BCAS1: variants seen among roughly 807,000 people sequenced by gnomAD.
BCAS1 encodes the protein brain enriched myelin associated protein 1, also known as breast carcinoma-amplified sequence 1.
BCAS1 carries 46 observed loss-of-function variants against 65.4 expected under a neutral mutation model. The observed-to-expected ratio is 0.70, with a 90% CI of 0.55 to 0.90. The LOEUF (loss-of-function observed/expected upper bound fraction) is 0.90, where lower values mean the gene tolerates loss of function less well. Among genes scored for constraint, BCAS1 ranks in the 40% least tolerant of loss-of-function variants. BCAS1 has a pLI of 0.00. For missense variants in BCAS1, 793 were observed against 771.2 expected (o/e 1.03, Z -0.33); for synonymous variants, 298 against 293.5 (o/e 1.02, Z -0.16).
At chr20:53,953,394 G>C in intron 12 of BCAS1, 38 bp downstream of exon 12, 1 of 1,609,624 alleles carries the variant, frequency 6.2e-7, no homozygotes, top group Non-Finnish European at 8.5e-7. Context: ...TGGGGAAGGA[G>C]AGAGCCCAGA....
chr20:53,947,033 G>C (rs2089348586), intron 12 of BCAS1, among the ~76,000 whole-genome samples: 1 of 152,024 alleles, frequency 6.6e-6, no homozygotes, highest in Non-Finnish European at 1.5e-5. Flanking sequence ...GTATAATCTA[G>C]CATAGTATAG....
intron 12 of BCAS1, among the ~76,000 whole-genome samples, chr20:53,946,213 A>G (rs897397311): frequency 1.3e-5 from 2 of 152,072 alleles, no homozygotes; most frequent in Admixed American, 6.6e-5. Context: ...CCAAATCAAC[A>G]TGTCACATGG....
chr20:53,968,257 C>T (rs1000270898), intron 9 of BCAS1, among the ~76,000 whole-genome samples: 1 of 152,214 alleles, frequency 6.6e-6, no homozygotes, highest in African/African-American at 2.4e-5. Flanking sequence ...TATTTACTAT[C>T]TGGCCCTTTA....
intron 3 of BCAS1, among the ~76,000 whole-genome samples, chr20:54,034,588 A>T (rs1359794518): frequency 6.6e-6 from 1 of 151,318 alleles, no homozygotes; most frequent in Non-Finnish European, 1.5e-5. Flanking sequence ...GAGGTGAAAG[A>T]TCTCTACAAG....
intron 3 of BCAS1, among the ~76,000 whole-genome samples, chr20:54,051,759 A>G (rs1601004263): frequency 7.0e-6 from 1 of 142,416 alleles, no homozygotes; most frequent in Admixed American, 7.1e-5. Flanking sequence ...TGTTGTTGAG[A>G]TGAGGTCTCT....
rs190352018 is a variant in BCAS1 at position 53,967,607 on chromosome 20, C to T, written c.1318-534G>A. ...CTCATTAAGCGATATCTAATTTTTCCCTAGAACAGTCATTTGCCATTTCAC... is the reference window on the plus strand; with the variant it reads ...CTCATTAAGCGATATCTAATTTTTCTCTAGAACAGTCATTTGCCATTTCAC... On this transcript the variant is annotated intron_variant, in intron 9 of 12. Transcript: ENST00000688948. 8.3e-4 allele frequency among the ~76,000 whole-genome samples: 127 copies of T among 152,310 alleles called. 1 individual carries two copies. The highest frequency in any genetic ancestry group is 2.9e-3 in the African/African-American group (120 of 41,566).
At chr20:54,036,045 C>T (rs2091894360) in intron 3 of BCAS1, among the ~76,000 whole-genome samples, 1 of 150,770 alleles carries the variant, frequency 6.6e-6, no homozygotes, top group South Asian at 2.1e-4. Flanking sequence ...CACACTGGGG[C>T]CTATTGGAGG....
At chr20:53,947,689 T>G (rs1302180925) in intron 12 of BCAS1, among the ~76,000 whole-genome samples, 1 of 152,102 alleles carries the variant, frequency 6.6e-6, no homozygotes, top group African/African-American at 2.4e-5. Flanking sequence ...GGGTGCCGGC[T>G]TCTGTCCCCG....
intron 11 of BCAS1, among the ~76,000 whole-genome samples, chr20:53,956,852 T>C (rs2089716249): frequency 6.6e-6 from 1 of 152,174 alleles, no homozygotes; most frequent in Admixed American, 6.5e-5. Flanking sequence ...GGAACACATG[T>C]AGTTATAAAT....
At chr20:54,062,003 A>G (rs958910800) in intron 1 of BCAS1, among the ~76,000 whole-genome samples, 4 of 152,244 alleles carry the variant, frequency 2.6e-5, no homozygotes, top group Admixed American at 2.0e-4. Context: ...GTGACACATG[A>G]AAATTATATG....
intron 12 of BCAS1, among the ~76,000 whole-genome samples, chr20:53,950,511 C>T (rs1163222933): frequency 1.3e-5 from 2 of 151,990 alleles, no homozygotes; most frequent in Non-Finnish European, 2.9e-5. Context: ...ATCGCGGGAC[C>T]TTGTTTATTT....
intron 11 of BCAS1, among the ~76,000 whole-genome samples, chr20:53,955,522 A>G (rs963664052): frequency 6.6e-6 from 1 of 152,228 alleles, no homozygotes; most frequent in Non-Finnish European, 1.5e-5. Flanking sequence ...AGATTTTAAG[A>G]TGCAGTGAGT....
Position 53,985,374 on chromosome 20 carries a change from G to A in BCAS1, c.1188C>T (p.Ser396=), listed in dbSNP as rs751429839. The A allele has an allele frequency of 4.3e-6, 7 of 1,614,036 alleles. No homozygotes were observed. Among genetic ancestry groups the A allele is most frequent in the East Asian group, 2.2e-5 (1 of 44,878 alleles). Residue 396 remains serine (S), a synonymous_variant, in exon 8 of 13, where the codon TCC becomes TCT. Coordinates refer to ENST00000688948, the MANE Select transcript of BCAS1 (RefSeq NM_001366298.2). The part of the protein sequence containing the change: ...KGCNPSGHTQ[S]VTTPEPAKEG... ...CCTTCGCAGGTTCAGGGGTTGTCAC[G>A]GACTGTGTGTGCCCCGATGGGTTGC...
intron 4 of BCAS1, among the ~76,000 whole-genome samples, chr20:54,022,643 A>G (rs1259403715): frequency 6.6e-6 from 1 of 152,194 alleles, no homozygotes; most frequent in Non-Finnish European, 1.5e-5. Context: ...AGGTAACTTA[A>G]GTTCTCCCCA....
At chr20:53,960,495 A>G (rs955432225) in intron 10 of BCAS1, among the ~76,000 whole-genome samples, 1,010 of 81,920 alleles carry the variant, frequency 0.012, 9 homozygotes, top group Middle Eastern at 0.019. Flanking sequence ...AAAAAAAAAA[A>G]AGAGAGAGAG....
chr20:53,953,604 T>C lies in BCAS1; in HGVS notation c.1643A>G (p.Lys548Arg), dbSNP rs372161022. 30 of 1,613,816 alleles carry C rather than the reference T, an allele frequency of 1.9e-5. No homozygotes were observed. The highest frequency in any genetic ancestry group is 2.5e-5 in the Non-Finnish European group (30 of 1,180,008). ...CTTGTTCATCTCGGCTGCTGACTTC[T>C]TGTCCTTCGAGGAGCCCTCTTTACC... ...QKGKEGSSKD[K>R]KSAAEMNKQK... The change falls in exon 12 of 13, where the codon AAG becomes AGG. Residue 548 changes from lysine to arginine, a missense_variant. Transcript: ENST00000688948.
chr20:53,983,303 G>A (rs534676016), intron 8 of BCAS1, among the ~76,000 whole-genome samples: 1 of 152,254 alleles, frequency 6.6e-6, no homozygotes, highest in South Asian at 2.1e-4. Flanking sequence ...CTGTTCAGTG[G>A]GCACTTTTGT....
intron 8 of BCAS1, among the ~76,000 whole-genome samples, chr20:53,977,270 G>A (rs2090359209): frequency 2.0e-5 from 3 of 152,074 alleles, no homozygotes; most frequent in Admixed American, 2.0e-4. Flanking sequence ...GATTTGGGTG[G>A]GGACACAGCC....
At chr20:53,983,882 T>C (rs923578620) in intron 8 of BCAS1, among the ~76,000 whole-genome samples, 2 of 152,192 alleles carry the variant, frequency 1.3e-5, no homozygotes, top group Non-Finnish European at 2.9e-5. Context: ...TACCTAGCTC[T>C]GCCACTCCTA....
Sources: gnomAD v4.1 joint callset for allele counts (sites outside exome capture counted in the v4.1 genomes callset) on GRCh38, gnomAD v4.1.1 for gene constraint, MANE v1.5 for transcripts, NCBI Gene and HGNC (gene_info 2026-07-23, HGNC 2026-07-21) for gene names.